The following ZBTB7C variants were observed in gnomAD, a reference collection of about 807,000 sequenced individuals.
ZBTB7C encodes zinc finger and BTB domain-containing protein 7C.
A neutral mutation model predicts 25.7 loss-of-function variants in ZBTB7C; 8 were observed. The ratio of observed to expected loss-of-function variants is 0.31; its 90% CI spans 0.18 to 0.56. The LOEUF (loss-of-function observed/expected upper bound fraction) is 0.56, where lower values mean the gene tolerates loss of function less well. Among genes scored for constraint, ZBTB7C ranks in the 20% least tolerant of loss-of-function variants. The pLI is 0.91. For synonymous variants in ZBTB7C, 394 were observed against 369.0 expected, an observed-to-expected ratio of 1.07 and a Z score of -0.78; for missense variants, 824 against 855.2, an observed-to-expected ratio of 0.96 and a Z score of 0.46.
At chr18:48,071,256 C>T (rs1028083939) in intron 3 of ZBTB7C, among the ~76,000 whole-genome samples, 2 of 152,124 alleles carry the variant, frequency 1.3e-5, no homozygotes, top group Non-Finnish European at 2.9e-5. Context: ...ACATTAGAGT[C>T]TCTAAGAAAC....
At chr18:48,360,532 T>C (rs766440915) in intron 1 of ZBTB7C, among the ~76,000 whole-genome samples, 5 of 152,174 alleles carry the variant, frequency 3.3e-5, no homozygotes, top group Non-Finnish European at 5.9e-5. Context: ...GCCAGAGTAC[T>C]AGGGGCTTTG....
chr18:48,172,388 C>T (rs1054080682), intron 3 of ZBTB7C, among the ~76,000 whole-genome samples: 1 of 152,138 alleles, frequency 6.6e-6, no homozygotes, highest in African/African-American at 2.4e-5. Flanking sequence ...GGAATCTGCC[C>T]AGGACCTGTT....
At chr18:48,178,283 C>T (rs1275527816) in intron 3 of ZBTB7C, among the ~76,000 whole-genome samples, 9 of 152,188 alleles carry the variant, frequency 5.9e-5, no homozygotes, top group Admixed American at 5.9e-4. Flanking sequence ...CGGGAGGCCC[C>T]ACATTGCCAT....
At chr18:48,272,459 G>A (rs1000776663) in intron 2 of ZBTB7C, among the ~76,000 whole-genome samples, 1 of 152,216 alleles carries the variant, frequency 6.6e-6, no homozygotes, top group Non-Finnish European at 1.5e-5. Context: ...TCCAGATGGA[G>A]AGAAGACTCA....
rs1248896836 is a variant in ZBTB7C at position 48,286,247 on chromosome 18, TG to T, written c.-79+51926del. On this transcript the variant is annotated intron_variant, in intron 2 of 4. Coordinates refer to ENST00000590800, the MANE Select transcript of ZBTB7C (RefSeq NM_001318841.2). ...GAAGAGGTGTGCGTGTGTGTGTGTG[TG>T]TGTGTGTGTGTGTGTGTGTATTAGT... 6.3e-3 allele frequency among the ~76,000 whole-genome samples: 950 copies of T among 151,938 alleles called. 8 individuals carry two copies. The highest frequency in any genetic ancestry group is 0.022 in the African/African-American group (904 of 41,382).
At chr18:48,137,441 T>G in intron 3 of ZBTB7C, 1 of 432,794 alleles carries the variant, frequency 2.3e-6, no homozygotes, top group Non-Finnish European at 3.1e-6. Context: ...CTCTAGTACT[T>G]CACAAAATGA....
At position 48,039,931 on chromosome 18, in the gene ZBTB7C, T is replaced by C. The variant is rs1242215496; in HGVS notation, c.1177A>G (p.Met393Val). The change falls in exon 4 of 5, where the codon ATG (methionine) becomes GTG (valine). Residue 393 changes from methionine to valine, a missense_variant. Met to Val is a conservative substitution (Grantham distance 21). This residue lies in a region of ZBTB7C where 49 missense variants were observed against 81.3 expected (regional missense o/e 0.60). Coordinates refer to ENST00000590800, the MANE Select transcript of ZBTB7C (RefSeq NM_001318841.2). Reference protein sequence around the residue: ...MRTHTGEKPYMCTICEVRFTR... With the variant: ...MRTHTGEKPYVCTICEVRFTR... ...AAGCGGACCTCGCAGATGGTGCACA[T>C]GTATGGCTTCTCCCCGGTATGGGTC... 3 of 1,613,568 alleles carry C rather than the reference T, an allele frequency of 1.9e-6. No homozygotes were observed. Among genetic ancestry groups the C allele is most frequent in the Non-Finnish European group, 1.7e-6 (2 of 1,180,024 alleles).
chr18:48,290,132 G>A (rs529788555), intron 2 of ZBTB7C, among the ~76,000 whole-genome samples: 8 of 152,300 alleles, frequency 5.3e-5, no homozygotes, highest in Admixed American at 2.0e-4. Flanking sequence ...CCTCGTACAC[G>A]CTCAATAAAT....
At chr18:48,159,322 G>A (rs2040931709) in intron 3 of ZBTB7C, among the ~76,000 whole-genome samples, 3 of 152,118 alleles carry the variant, frequency 2.0e-5, no homozygotes, top group Non-Finnish European at 2.9e-5. Context: ...TCTTTAAAAT[G>A]GGAAAAATGA....
chr18:48,317,471 C>T (rs1245969542), intron 2 of ZBTB7C, among the ~76,000 whole-genome samples: 5 of 152,096 alleles, frequency 3.3e-5, no homozygotes, highest in Non-Finnish European at 7.4e-5. Context: ...AGCCTCACCC[C>T]GATCTGATTC....
At chr18:48,324,808 C>T (rs1444709008) in intron 2 of ZBTB7C, among the ~76,000 whole-genome samples, 4 of 152,062 alleles carry the variant, frequency 2.6e-5, no homozygotes, top group South Asian at 4.2e-4. Context: ...TGGCAGGAAA[C>T]GCCGGGGGAC....
chr18:48,243,427 G>A (rs1356684576), intron 2 of ZBTB7C, among the ~76,000 whole-genome samples: 1 of 152,012 alleles, frequency 6.6e-6, no homozygotes, highest in Non-Finnish European at 1.5e-5. Flanking sequence ...TACGAAAGCT[G>A]CAAAAAATAA....
Position 48,029,665 on chromosome 18 carries a change from C to A in ZBTB7C, c.1455G>T (p.Ala485=), listed in dbSNP as rs373107783. The A allele has an allele frequency of 3.7e-5, 58 of 1,564,418 alleles. No homozygotes were observed. The African/African-American group carries it at 6.9e-4, about 19-fold the overall frequency. ...CGAAGAGCAGGCTGGCGGCCCTCCACGCAGCAGGCTTGCGGCCGCGTCGGG... is the reference window on the plus strand; with the variant it reads ...CGAAGAGCAGGCTGGCGGCCCTCCAAGCAGCAGGCTTGCGGCCGCGTCGGG... ...ARPRRGRKPA[A]WRAASLLFGP... is the part of the protein sequence containing the mutation. The change falls in exon 5 of 5, where the codon GCG becomes GCT. Residue 485 remains alanine (A), a synonymous_variant. Coordinates refer to ENST00000590800, the MANE Select transcript of ZBTB7C (RefSeq NM_001318841.2).
intron 3 of ZBTB7C, among the ~76,000 whole-genome samples, chr18:48,055,555 A>T (rs931184194): frequency 6.6e-5 from 10 of 152,216 alleles, no homozygotes; most frequent in Non-Finnish European, 2.9e-5. Flanking sequence ...GCAACAATGC[A>T]TCACAAGTGC....
chr18:48,118,655 A>G (rs2039527005), intron 3 of ZBTB7C, among the ~76,000 whole-genome samples: 1 of 152,206 alleles, frequency 6.6e-6, no homozygotes, highest in South Asian at 2.1e-4. Flanking sequence ...TACCCAATAT[A>G]TAGCTAATGT....
chr18:48,137,065 T>C (rs2040194277), intron 3 of ZBTB7C: 1 of 985,094 alleles, frequency 1.0e-6, no homozygotes, highest in African/African-American at 1.8e-5. Context: ...GCCGCCAGGG[T>C]CCCGGGCTGG....
intron 2 of ZBTB7C, among the ~76,000 whole-genome samples, chr18:48,244,871 T>C (rs530726545): frequency 4.6e-5 from 7 of 152,158 alleles, no homozygotes; most frequent in African/African-American, 1.4e-4. Context: ...ACAACCACTA[T>C]GGAAAACAGT....
intron 2 of ZBTB7C, among the ~76,000 whole-genome samples, chr18:48,325,981 A>G (rs1181160682): frequency 6.6e-6 from 1 of 152,152 alleles, no homozygotes; most frequent in Non-Finnish European, 1.5e-5. Context: ...CAAGCAAAGG[A>G]CACGGTATCT....
chr18:48,238,865 G>C (rs907072334), intron 2 of ZBTB7C, among the ~76,000 whole-genome samples: 1 of 152,218 alleles, frequency 6.6e-6, no homozygotes, highest in Non-Finnish European at 1.5e-5. Context: ...AGCCCTTCCT[G>C]CTTTCTCAGC....
Sources: allele counts gnomAD v4.1 joint callset (sites outside exome capture counted in the v4.1 genomes callset), GRCh38; gene constraint gnomAD v4.1.1; regional missense constraint gnomAD v4.1.1; transcripts MANE v1.5; gene names NCBI Gene and HGNC (gene_info 2026-07-23, HGNC 2026-07-21).